The following PLCH1 variants were observed in gnomAD, a reference collection of about 807,000 sequenced individuals.
The protein encoded by PLCH1 is 1-phosphatidylinositol 4,5-bisphosphate phosphodiesterase eta-1.
PLCH1 carries 60 observed loss-of-function variants against 126.7 expected under a neutral mutation model. The observed-to-expected ratio is 0.47, with a 90% CI of 0.38 to 0.59. PLCH1 has a LOEUF of 0.59. Among genes scored for constraint, PLCH1 ranks in the 20% least tolerant of loss-of-function variants. The pLI, the probability that PLCH1 is intolerant of heterozygous loss-of-function variation, is 0.00. For synonymous variants in PLCH1, 719 were observed against 734.9 expected, an observed-to-expected ratio of 0.98 and a Z score of 0.35; for missense variants, 1,723 against 2,040.0, an observed-to-expected ratio of 0.84 and a Z score of 2.99.
intron 2 of PLCH1, among the ~76,000 whole-genome samples, chr3:155,702,234 G>A (rs746583995): frequency 1.3e-5 from 2 of 152,220 alleles, no homozygotes; most frequent in African/African-American, 4.8e-5. Context: ...ACAGAAAAGA[G>A]AACTGAGTTC....
At chr3:155,501,790 C>T (rs975730275) in intron 13 of PLCH1, among the ~76,000 whole-genome samples, 11 of 152,064 alleles carry the variant, frequency 7.2e-5, no homozygotes, top group Admixed American at 5.9e-4. Flanking sequence ...AGCAAAACTC[C>T]ATCTCTAAAT....
intron 2 of PLCH1, among the ~76,000 whole-genome samples, chr3:155,642,333 C>T (rs765709038): frequency 7.2e-4 from 109 of 152,276 alleles, no homozygotes; most frequent in Admixed American, 1.8e-3. Context: ...AAAGCAAAAA[C>T]CACTCAGGAT....
chr3:155,469,588 C>G (rs1713086566), intron 21 of PLCH1, among the ~76,000 whole-genome samples: 1 of 152,250 alleles, frequency 6.6e-6, no homozygotes, highest in Admixed American at 6.5e-5. Context: ...CTCAAGGAGG[C>G]CTGCCTGCAT....
At chr3:155,686,627 A>G (rs962720499) in intron 2 of PLCH1, among the ~76,000 whole-genome samples, 5 of 152,166 alleles carry the variant, frequency 3.3e-5, no homozygotes, top group African/African-American at 1.2e-4. Flanking sequence ...TCAGCCCATC[A>G]CTGAACCTTT....
At chr3:155,712,739 C>CTAAATAAA (rs143995774) in intron 1 of PLCH1, among the ~76,000 whole-genome samples, 55 of 149,594 alleles carry the variant, frequency 3.7e-4, no homozygotes, top group Non-Finnish European at 4.7e-4. Flanking sequence ...TACTCTGTCA[C>CTAAATAAA]TAAATAAATA....
chr3:155,666,302 T>C (rs1742720640), intron 2 of PLCH1, among the ~76,000 whole-genome samples: 2 of 152,216 alleles, frequency 1.3e-5, no homozygotes, highest in African/African-American at 4.8e-5. Flanking sequence ...TGTCATCTTT[T>C]TTTTCCTTTT....
At chr3:155,538,220 T>C (rs977520324) in intron 10 of PLCH1, among the ~76,000 whole-genome samples, 5 of 152,062 alleles carry the variant, frequency 3.3e-5, no homozygotes, top group Non-Finnish European at 7.4e-5. Flanking sequence ...TGACACAACC[T>C]TTCAAAATCT....
chr3:155,476,776 C>A (rs536404648), downstream of PLCH1, among the ~76,000 whole-genome samples: 4 of 151,902 alleles, frequency 2.6e-5, no homozygotes, highest in South Asian at 8.3e-4. Flanking sequence ...GAAAAATATT[C>A]CATATTCATG....
At chr3:155,714,441 G>A (rs897769521) in intron 1 of PLCH1, among the ~76,000 whole-genome samples, 2 of 152,198 alleles carry the variant, frequency 1.3e-5, no homozygotes, top group Non-Finnish European at 1.5e-5. Flanking sequence ...CCTACTTCCC[G>A]CAGGTTTCTA....
intron 2 of PLCH1, among the ~76,000 whole-genome samples, chr3:155,672,222 ACCAAAACC>A (rs1743557579): frequency 6.6e-6 from 1 of 152,160 alleles, no homozygotes; most frequent in South Asian, 2.1e-4. Flanking sequence ...TGTAATTCCA[ACCAAAACC>A]CCAACTAAGT....
At chr3:155,712,863 A>G (rs1747240588) in intron 1 of PLCH1, among the ~76,000 whole-genome samples, 1 of 151,342 alleles carries the variant, frequency 6.6e-6, no homozygotes, top group South Asian at 2.1e-4. Flanking sequence ...CTACTTTATC[A>G]CCACCAGAGC....
At chr3:155,672,926 C>T (rs1320723298) in intron 2 of PLCH1, among the ~76,000 whole-genome samples, 2 of 152,114 alleles carry the variant, frequency 1.3e-5, no homozygotes, top group African/African-American at 4.8e-5. Flanking sequence ...ACTGCAACAG[C>T]TTTCTGGTCT....
At chr3:155,597,387 C>A (rs192069318) in intron 2 of PLCH1, among the ~76,000 whole-genome samples, 1 of 152,212 alleles carries the variant, frequency 6.6e-6, no homozygotes, top group South Asian at 2.1e-4. Flanking sequence ...CAAATGATCC[C>A]ATTTTCCCCT....
chr3:155,549,758 T>G (rs755227484), intron 10 of PLCH1, 29 bp downstream of exon 10: 8 of 1,533,230 alleles, frequency 5.2e-6, no homozygotes, highest in Non-Finnish European at 7.2e-6. Flanking sequence ...ATAATGAATG[T>G]CTTTTATTGC....
intron 2 of PLCH1, among the ~76,000 whole-genome samples, chr3:155,688,550 A>G (rs1745128748): frequency 6.6e-6 from 1 of 152,244 alleles, no homozygotes; most frequent in South Asian, 2.1e-4. Flanking sequence ...AAAATAAGGT[A>G]ACAGCTCAGC....
intron 10 of PLCH1, among the ~76,000 whole-genome samples, chr3:155,545,661 C>G (rs1437252051): frequency 6.6e-6 from 1 of 152,148 alleles, no homozygotes. Context: ...CAAACCGAAT[C>G]CAGCAGCACA....
intron 2 of PLCH1, among the ~76,000 whole-genome samples, chr3:155,633,451 C>T (rs138440631): frequency 0.018 from 2,757 of 149,912 alleles, 92 homozygotes; most frequent in African/African-American, 0.065. Context: ...CACACACAAA[C>T]ATAAACACAC....
At chr3:155,555,394 C>T (rs921464996) in intron 8 of PLCH1, among the ~76,000 whole-genome samples, 3 of 152,222 alleles carry the variant, frequency 2.0e-5, no homozygotes, top group East Asian at 1.9e-4. Flanking sequence ...CATAATCATT[C>T]GTCTTCTTTC....
At chr3:155,565,204 G>C in intron 7 of PLCH1, 86 bp from the exon 8 acceptor site, 2 of 793,452 alleles carry the variant, frequency 2.5e-6, no homozygotes, top group Non-Finnish European at 4.2e-6. Context: ...GTCAAAAAAT[G>C]TTCATAATGA....
Sources: allele counts gnomAD v4.1 joint callset (sites outside exome capture counted in the v4.1 genomes callset), GRCh38; gene constraint gnomAD v4.1.1; transcripts MANE v1.5; gene names NCBI Gene and HGNC (gene_info 2026-07-23, HGNC 2026-07-21).